Variants in SMYD3 observed in about 807,000 individuals in gnomAD.
SMYD3 encodes the protein histone-lysine N-methyltransferase SMYD3.
Under a neutral mutation model 57.7 loss-of-function variants are expected in SMYD3, and 36 were observed. The ratio of observed to expected loss-of-function variants is 0.62; its 90% CI spans 0.48 to 0.82. The LOEUF (loss-of-function observed/expected upper bound fraction) is 0.82. Ranked by LOEUF, SMYD3 falls within the 40% of genes least tolerant of loss-of-function variation. The pLI is 0.00. For missense variants in SMYD3, 515 were observed against 538.8 expected (o/e 0.96, Z 0.44); for synonymous variants, 211 against 195.0 (o/e 1.08, Z -0.68).
intron 2 of SMYD3, among the ~76,000 whole-genome samples, chr1:246,339,847 C>T (rs867381885): frequency 3.1e-4 from 47 of 152,332 alleles, no homozygotes; most frequent in African/African-American, 1.1e-3. Flanking sequence ...GAGCACGCTC[C>T]CGTCATGTGA....
chr1:246,142,044 A>T (rs1444252670), intron 5 of SMYD3, among the ~76,000 whole-genome samples: 1 of 152,196 alleles, frequency 6.6e-6, no homozygotes. Flanking sequence ...CTTGAACCTC[A>T]GTATACCACA....
intron 5 of SMYD3, among the ~76,000 whole-genome samples, chr1:246,265,405 C>T (rs1245527550): frequency 1.3e-5 from 2 of 152,026 alleles, no homozygotes; most frequent in Non-Finnish European, 2.9e-5. Context: ...TCTCAAAGTG[C>T]TAGGATTATA....
intron 5 of SMYD3, among the ~76,000 whole-genome samples, chr1:246,267,746 TAG>T (rs2064137539): frequency 1.3e-5 from 2 of 152,288 alleles, no homozygotes; most frequent in South Asian, 4.1e-4. Flanking sequence ...GACTGCACCT[TAG>T]GTACGGGAGC....
intron 5 of SMYD3, among the ~76,000 whole-genome samples, chr1:245,938,262 G>A (rs745646574): frequency 4.6e-5 from 7 of 152,180 alleles, no homozygotes; most frequent in African/African-American, 7.2e-5. Flanking sequence ...GTGCGGGCCC[G>A]CATGAAGGTA....
intron 5 of SMYD3, among the ~76,000 whole-genome samples, chr1:245,965,358 T>C (rs2058113526): frequency 6.6e-6 from 1 of 152,220 alleles, no homozygotes; most frequent in Non-Finnish European, 1.5e-5. Flanking sequence ...GTAGTAAGTG[T>C]ATATTGCAAA....
intron 5 of SMYD3, among the ~76,000 whole-genome samples, chr1:246,196,050 T>C (rs560504800): frequency 2.0e-4 from 30 of 152,242 alleles, no homozygotes; most frequent in African/African-American, 7.2e-4. Flanking sequence ...AAAAAAAACC[T>C]CCCTTTGCAG....
chr1:245,786,797 A>T (rs1365055060), intron 10 of SMYD3, among the ~76,000 whole-genome samples: 1 of 152,184 alleles, frequency 6.6e-6, no homozygotes, highest in African/African-American at 2.4e-5. Context: ...GGAATCCAGC[A>T]TCTAAATAAA....
At position 245,921,570 on chromosome 1, in the gene SMYD3, T is replaced by C. The variant is rs866265378; in HGVS notation, c.703-5930A>G. 7.9e-3 allele frequency among the ~76,000 whole-genome samples: 1,171 copies of C among 147,980 alleles called. 33 individuals are homozygous for C. Among genetic ancestry groups the C allele is most frequent in the African/African-American group, 0.028 (1,095 of 39,628 alleles). ...TGGTGTATATATATATATATATATATACACATACCATGGAATAGTATGCAG... is the reference window on the plus strand; with the variant it reads ...TGGTGTATATATATATATATATATACACACATACCATGGAATAGTATGCAG... On this transcript the variant is annotated intron_variant, in intron 7 of 11. Transcript: ENST00000490107.
chr1:246,450,432 A>T (rs1204736013), intron 1 of SMYD3, among the ~76,000 whole-genome samples: 1 of 152,074 alleles, frequency 6.6e-6, no homozygotes, highest in Non-Finnish European at 1.5e-5. Flanking sequence ...TCTTCTCTCA[A>T]CCTGCTTCTT....
intron 5 of SMYD3, among the ~76,000 whole-genome samples, chr1:246,156,523 G>A (rs1052000462): frequency 1.3e-5 from 2 of 152,192 alleles, no homozygotes; most frequent in African/African-American, 4.8e-5. Flanking sequence ...TGAACTCACA[G>A]AAACCTACTT....
At chr1:245,905,627 G>A (rs2054510145) in intron 8 of SMYD3, among the ~76,000 whole-genome samples, 1 of 152,210 alleles carries the variant, frequency 6.6e-6, no homozygotes, top group South Asian at 2.1e-4. Flanking sequence ...CCCACCTGGG[G>A]CCTGGGGGAC....
chr1:245,907,018 AT>A (rs2054610460), intron 8 of SMYD3, among the ~76,000 whole-genome samples: 1 of 152,194 alleles, frequency 6.6e-6, no homozygotes, highest in Non-Finnish European at 1.5e-5. Flanking sequence ...AATCAAACCA[AT>A]TGAACTCATG....
intron 1 of SMYD3, among the ~76,000 whole-genome samples, chr1:246,463,724 T>A (rs368280443): frequency 6.6e-4 from 90 of 137,106 alleles, no homozygotes; most frequent in African/African-American, 2.4e-3. Context: ...TAGTCCCAGC[T>A]ACTCGGGAAG....
intron 1 of SMYD3, among the ~76,000 whole-genome samples, chr1:246,366,572 T>TA (rs71563785): frequency 0.26 from 36,630 of 139,588 alleles, 4,929 homozygotes; most frequent in East Asian, 0.52. Context: ...CTTTTTCTCT[T>TA]AAAAAAAAAA....
chr1:246,159,618 C>A (rs1402890650), intron 5 of SMYD3, among the ~76,000 whole-genome samples: 1 of 152,044 alleles, frequency 6.6e-6, no homozygotes, highest in East Asian at 1.9e-4. Context: ...TGGGCACTGG[C>A]CTGTGATAAG....
chr1:245,844,372 TACTGC>T (rs58823796), intron 10 of SMYD3, among the ~76,000 whole-genome samples: 2 of 152,074 alleles, frequency 1.3e-5, no homozygotes, highest in Non-Finnish European at 2.9e-5. Flanking sequence ...GGATTAGCTT[TACTGC>T]ACTGCACTGT....
At chr1:246,070,681 G>A (rs1481927131) in intron 5 of SMYD3, among the ~76,000 whole-genome samples, 4 of 152,174 alleles carry the variant, frequency 2.6e-5, no homozygotes, top group African/African-American at 9.7e-5. Flanking sequence ...GAGATAAAGT[G>A]GAGAGGGAGC....
intron 3 of SMYD3, among the ~76,000 whole-genome samples, chr1:246,332,253 G>A (rs920884229): frequency 5.3e-5 from 8 of 152,186 alleles, no homozygotes; most frequent in Non-Finnish European, 8.8e-5. Flanking sequence ...AAAATGAAAA[G>A]AGCTACTCCC....
At chr1:246,141,986 A>G (rs2061764938) in intron 5 of SMYD3, among the ~76,000 whole-genome samples, 1 of 152,240 alleles carries the variant, frequency 6.6e-6, no homozygotes, top group African/African-American at 2.4e-5. Context: ...TTAAGCAAAA[A>G]GAACTTGCTC....
Sources: gnomAD v4.1 joint callset for allele counts (sites outside exome capture counted in the v4.1 genomes callset) on GRCh38, gnomAD v4.1.1 for gene constraint, MANE v1.5 for transcripts, NCBI Gene and HGNC (gene_info 2026-07-23, HGNC 2026-07-21) for gene names.